Variants in NLRP5 observed in about 807,000 individuals in gnomAD.
The protein encoded by NLRP5 is NACHT, LRR and PYD domains-containing protein 5.
In NLRP5, 93 loss-of-function variants were observed where a neutral mutation model predicts 113.1. That is an observed-to-expected ratio of 0.82 (90% CI 0.70 to 0.98). NLRP5 has a LOEUF of 0.98. Ranked by LOEUF, NLRP5 falls within the 50% of genes least tolerant of loss-of-function variation. NLRP5 has a pLI of 0.00. For synonymous variants in NLRP5, 751 were observed against 600.7 expected (o/e 1.25, Z -3.66); for missense variants, 1,808 against 1,514.3 (o/e 1.19, Z -3.22).
intron 11 of NLRP5, among the ~76,000 whole-genome samples, chr19:56,042,546 A>G (rs188630): frequency 0.27 from 41,501 of 152,070 alleles, 5,777 homozygotes; most frequent in African/African-American, 0.31. Context: ...GCAGGGTTTC[A>G]CCATGTTGTC....
intron 1 of NLRP5, chr19:55,999,896 G>A: frequency 1.3e-6 from 1 of 795,814 alleles, no homozygotes. Flanking sequence ...AATGTTATTA[G>A]CAATCCGTTG....
intron 6 of NLRP5, among the ~76,000 whole-genome samples, chr19:56,025,053 T>TCTA (rs1982785397): frequency 6.6e-6 from 1 of 150,490 alleles, no homozygotes; most frequent in Non-Finnish European, 1.5e-5. Context: ...GTTGCGTGCT[T>TCTA]ATGAGAATCT....
chr19:55,987,958 C>T, the NLRP5 span: 12 of 1,438,214 alleles, frequency 8.3e-6, no homozygotes, highest in African/African-American at 1.4e-5. Context: ...TCAGTTCCCA[C>T]TCTGACAACT....
the NLRP5 span, among the ~76,000 whole-genome samples, chr19:55,991,336 C>T: frequency 6.6e-6 from 1 of 152,142 alleles, no homozygotes; most frequent in Non-Finnish European, 1.5e-5. Flanking sequence ...GAGTGAATAT[C>T]ATTCTTCTTA....
chr19:56,024,362 AATATAT>A (rs776192567), intron 6 of NLRP5, among the ~76,000 whole-genome samples: 3 of 140,632 alleles, frequency 2.1e-5, no homozygotes, highest in East Asian at 2.0e-4. Flanking sequence ...AAAAAGAACA[AATATAT>A]ATATATGTGT....
At chr19:56,035,229 A>G (rs1420814438) in intron 9 of NLRP5, among the ~76,000 whole-genome samples, 5 of 152,338 alleles carry the variant, frequency 3.3e-5, no homozygotes, top group African/African-American at 1.2e-4. Flanking sequence ...AGACAAGTAC[A>G]AGCCCTGCTT....
At chr19:56,056,753 C>A (rs954849994) in intron 13 of NLRP5, among the ~76,000 whole-genome samples, 7 of 152,128 alleles carry the variant, frequency 4.6e-5, no homozygotes, top group African/African-American at 1.7e-4. Context: ...ATTTTAGAAG[C>A]AAAATGAAAA....
intron 2 of NLRP5, among the ~76,000 whole-genome samples, chr19:56,004,808 G>A (rs1981791164): frequency 6.6e-6 from 1 of 151,842 alleles, no homozygotes; most frequent in Non-Finnish European, 1.5e-5. Flanking sequence ...AAATACAGGT[G>A]TGGGCTGGAT....
At chr19:56,014,731 A>G (rs1982340530) in intron 3 of NLRP5, among the ~76,000 whole-genome samples, 1 of 152,140 alleles carries the variant, frequency 6.6e-6, no homozygotes, top group Non-Finnish European at 1.5e-5. Context: ...TCACAGATGT[A>G]TGGGATTATT....
At chr19:56,009,402 C>G (rs1982093740) in intron 3 of NLRP5, among the ~76,000 whole-genome samples, 2 of 148,308 alleles carry the variant, frequency 1.3e-5, no homozygotes, top group African/African-American at 4.9e-5. Flanking sequence ...TGAGGACTTC[C>G]CATCGTCTTC....
At chr19:56,052,144 C>A (rs1983952401) in intron 12 of NLRP5, among the ~76,000 whole-genome samples, 1 of 151,982 alleles carries the variant, frequency 6.6e-6, no homozygotes, top group African/African-American at 2.4e-5. Context: ...AAGGGTTGGC[C>A]CTCACAACTG....
Position 56,032,771 on chromosome 19 carries a change from C to G in NLRP5, c.2437C>G (p.Gln813Glu). ...GCTGAGGCATCCCACCTGCAAGATACAGACCCTGATGTAAGGCTGCCCGCC... is the reference window on the plus strand; with the variant it reads ...GCTGAGGCATCCCACCTGCAAGATAGAGACCCTGATGTAAGGCTGCCCGCC... The change falls in exon 8 of 15, where the codon CAG becomes GAG. Residue 813 changes from glutamine to glutamate, a missense_variant. Transcript: ENST00000390649. 6.2e-7 allele frequency: 1 copy of G among 1,608,936 alleles called. No homozygotes were observed.
chr19:56,023,622 A>C (rs1164641969), intron 6 of NLRP5, among the ~76,000 whole-genome samples: 3 of 152,126 alleles, frequency 2.0e-5, no homozygotes, highest in African/African-American at 7.2e-5. Context: ...AAGAATCCAC[A>C]CAAATGAAGC....
At chr19:56,037,972 A>G in intron 9 of NLRP5, 53 bp from the exon 10 acceptor site, 1 of 1,596,532 alleles carries the variant, frequency 6.3e-7, no homozygotes, top group Non-Finnish European at 8.6e-7. Context: ...TAGAGGGGAA[A>G]TGGGCTGCTT....
At chr19:56,006,023 G>A (rs10424794) in intron 2 of NLRP5, among the ~76,000 whole-genome samples, 82,062 of 151,814 alleles carry the variant, frequency 0.54, 22,312 homozygotes, top group Admixed American at 0.58. Context: ...TCATATGTCT[G>A]GTGTCAGAGA....
At chr19:56,049,292 G>A (rs2123334017) in intron 11 of NLRP5, among the ~76,000 whole-genome samples, 1 of 152,016 alleles carries the variant, frequency 6.6e-6, no homozygotes. Context: ...CGATTCTACT[G>A]CCTCAGCCTC....
At chr19:56,017,279 G>A (rs1287875477) in intron 4 of NLRP5, among the ~76,000 whole-genome samples, 1 of 151,938 alleles carries the variant, frequency 6.6e-6, no homozygotes, top group East Asian at 1.9e-4. Flanking sequence ...TTTCCATCTT[G>A]TATTTTGTTT....
intron 3 of NLRP5, among the ~76,000 whole-genome samples, chr19:56,013,595 G>GTTTTTT (rs1418924718): frequency 1.5e-3 from 45 of 30,958 alleles, no homozygotes; most frequent in Non-Finnish European, 2.3e-3. Flanking sequence ...TGGACATTTG[G>GTTTTTT]GTTTTTTTTT....
chr19:56,054,722 G>C (rs1045763487), intron 13 of NLRP5, among the ~76,000 whole-genome samples: 2 of 152,092 alleles, frequency 1.3e-5, no homozygotes, highest in Non-Finnish European at 2.9e-5. Flanking sequence ...ACATAAAGTA[G>C]AGGGGTTGTC....
Sources: allele counts gnomAD v4.1 joint callset (sites outside exome capture counted in the v4.1 genomes callset), GRCh38; gene constraint gnomAD v4.1.1; transcripts MANE v1.5; gene names NCBI Gene and HGNC (gene_info 2026-07-23, HGNC 2026-07-21).